Variants in ZC3H3 observed in about 807,000 individuals in gnomAD.
The protein encoded by ZC3H3 is zinc finger CCCH domain-containing protein 3.
Under a neutral mutation model 77.3 loss-of-function variants are expected in ZC3H3, and 36 were observed. The observed-to-expected ratio is 0.47, with a 90% confidence interval of 0.36 to 0.61. ZC3H3 has a LOEUF of 0.61. ZC3H3 is among the 20% of genes least tolerant of loss of function. ZC3H3 has a pLI of 0.00. For synonymous variants in ZC3H3, 626 were observed against 555.2 expected (o/e 1.13, Z -1.79); for missense variants, 1,331 against 1,312.2 (o/e 1.01, Z -0.22).
chr8:143,446,144 G>C (rs1209658368), intron 9 of ZC3H3, among the ~76,000 whole-genome samples: 2 of 152,106 alleles, frequency 1.3e-5, no homozygotes, highest in Non-Finnish European at 2.9e-5. Context: ...AATGAAACTG[G>C]ACCTCACCGC....
intron 4 of ZC3H3, among the ~76,000 whole-genome samples, chr8:143,497,925 C>A (rs1478289246): frequency 6.6e-6 from 1 of 152,200 alleles, no homozygotes; most frequent in Non-Finnish European, 1.5e-5. Flanking sequence ...CCAAGAGAGT[C>A]CCCTCTCTGC....
chr8:143,463,245 A>C (rs888650138), intron 9 of ZC3H3, among the ~76,000 whole-genome samples: 1 of 151,944 alleles, frequency 6.6e-6, no homozygotes, highest in East Asian at 1.9e-4. Flanking sequence ...TCGGCCTCCC[A>C]AAGTGTTGGG....
At chr8:143,468,105 G>A (rs1820462084) in intron 8 of ZC3H3, 104 bp downstream of exon 8, 2 of 1,394,170 alleles carry the variant, frequency 1.4e-6, no homozygotes, top group Non-Finnish European at 9.9e-7. Flanking sequence ...GGATCTGCAT[G>A]TCCCAAACCC....
At chr8:143,540,426 C>A (rs890571691) in intron 1 of ZC3H3, among the ~76,000 whole-genome samples, 1 of 152,248 alleles carries the variant, frequency 6.6e-6, no homozygotes, top group Admixed American at 6.5e-5. Context: ...GACGGGCTCT[C>A]GTCATGTTGC....
chr8:143,476,744 C>T (rs181518129), intron 4 of ZC3H3, among the ~76,000 whole-genome samples: 2 of 152,374 alleles, frequency 1.3e-5, no homozygotes, highest in East Asian at 1.9e-4. Flanking sequence ...GAGGCGAGGA[C>T]GGGCAGCTCA....
chr8:143,458,283 G>T (rs1182161606), intron 9 of ZC3H3, among the ~76,000 whole-genome samples: 1 of 106,312 alleles, frequency 9.4e-6, no homozygotes, highest in African/African-American at 3.6e-5. Flanking sequence ...TGACTGAAGA[G>T]TAGAAAATCT....
At chr8:143,478,390 T>C (rs1820804353) in intron 4 of ZC3H3, among the ~76,000 whole-genome samples, 1 of 152,184 alleles carries the variant, frequency 6.6e-6, no homozygotes, top group African/African-American at 2.4e-5. Flanking sequence ...TCAGGGCCTC[T>C]GGGGGTCAGC....
intron 3 of ZC3H3, among the ~76,000 whole-genome samples, chr8:143,525,562 G>A (rs73373278): frequency 2.0e-5 from 3 of 152,322 alleles, no homozygotes; most frequent in Non-Finnish European, 2.9e-5. Flanking sequence ...CCCATCCTGA[G>A]GGGGCTCCTT....
At chr8:143,444,827 C>T (rs192002799) in intron 9 of ZC3H3, among the ~76,000 whole-genome samples, 1 of 152,156 alleles carries the variant, frequency 6.6e-6, no homozygotes, top group East Asian at 1.9e-4. Context: ...GGGGTCCTAT[C>T]CAAGGCAGGA....
chr8:143,481,141 G>C (rs78944125), intron 4 of ZC3H3, among the ~76,000 whole-genome samples: 1 of 152,140 alleles, frequency 6.6e-6, no homozygotes, highest in Non-Finnish European at 1.5e-5. Context: ...CCAGGGGTTC[G>C]AGGCCTAGGC....
chr8:143,505,482 G>T (rs1020086915), intron 4 of ZC3H3, among the ~76,000 whole-genome samples: 1 of 152,162 alleles, frequency 6.6e-6, no homozygotes, highest in Non-Finnish European at 1.5e-5. Flanking sequence ...GGTGACCCTG[G>T]GCGAGGCAGG....
chr8:143,500,987 T>TC (rs1259064122), intron 4 of ZC3H3, among the ~76,000 whole-genome samples: 5 of 151,360 alleles, frequency 3.3e-5, no homozygotes, highest in Non-Finnish European at 7.4e-5. Context: ...CTTTTTTTTT[T>TC]TTTTTTTTAA....
At chr8:143,508,389 C>A (rs1821773100) in intron 3 of ZC3H3, among the ~76,000 whole-genome samples, 1 of 152,230 alleles carries the variant, frequency 6.6e-6, no homozygotes, top group South Asian at 2.1e-4. Context: ...GGAGCACTCA[C>A]CTCCTCAAGC....
At chr8:143,483,141 G>A (rs1000822962) in intron 4 of ZC3H3, among the ~76,000 whole-genome samples, 3 of 152,264 alleles carry the variant, frequency 2.0e-5, no homozygotes, top group Non-Finnish European at 2.9e-5. Flanking sequence ...GAAGAGGAGC[G>A]GCCGGGGGGA....
chr8:143,530,676 G>A lies in ZC3H3; in HGVS notation c.1561+5581C>T, dbSNP rs1163968431. ...GACGGGCCCCAGGAGGATGTACCACGAAGCTGGCCCCACTTCCCCCGCACC... is the reference window on the plus strand; with the variant it reads ...GACGGGCCCCAGGAGGATGTACCACAAAGCTGGCCCCACTTCCCCCGCACC... On this transcript the variant is annotated intron_variant, in intron 3 of 11. Coordinates refer to ENST00000262577, the MANE Select transcript of ZC3H3 (RefSeq NM_015117.3). The surrounding 1 kb of genome is among the most constrained non-coding windows in gnomAD (Gnocchi z 4.3). Among the ~76,000 whole-genome samples, 3 of 152,124 alleles carry A rather than the reference G, an allele frequency of 2.0e-5. No homozygotes were observed. Among genetic ancestry groups the A allele is most frequent in the Non-Finnish European group, 2.9e-5 (2 of 68,004 alleles).
At position 143,507,718 on chromosome 8, in the gene ZC3H3, T is replaced by C. The variant is rs1036462121; in HGVS notation, c.1715+28A>G. 3.3e-6 allele frequency: 5 copies of C among 1,529,760 alleles called. No individual in the cohort carries two copies. The Admixed American group carries it at 9.2e-5, about 28-fold the overall frequency. The allele number at this position is 1,529,760 out of a possible 1,614,324, so 94.8% of individuals were successfully genotyped here. A position where few individuals can be genotyped will look rare whatever the true frequency, so the allele number is the denominator to read the frequency against. On this transcript the variant is annotated intron_variant, in intron 4 of 11. Transcript: ENST00000262577. ...GGCCAGACAGCCCAGTTCCCAGGCC[T>C]GCAGGAGCCTGCAGGAAGCCTTCCT...
chr8:143,510,453 G>A (rs1374429265), intron 3 of ZC3H3, among the ~76,000 whole-genome samples: 1 of 152,256 alleles, frequency 6.6e-6, no homozygotes, highest in African/African-American at 2.4e-5. Context: ...GGATGAGCAG[G>A]GCACAGCCGG....
At chr8:143,518,861 G>A (rs1822148119) in intron 3 of ZC3H3, among the ~76,000 whole-genome samples, 1 of 152,254 alleles carries the variant, frequency 6.6e-6, no homozygotes, top group South Asian at 2.1e-4. Flanking sequence ...ACAGGGGCAA[G>A]GGACAGAGGC....
intron 5 of ZC3H3, among the ~76,000 whole-genome samples, chr8:143,471,664 C>T (rs866465753): frequency 1.3e-5 from 2 of 151,698 alleles, no homozygotes; most frequent in South Asian, 2.1e-4. Flanking sequence ...AGGGAGGGCT[C>T]GGCTTCAGGG....
Sources: gnomAD v4.1 joint callset for allele counts (sites outside exome capture counted in the v4.1 genomes callset) on GRCh38, gnomAD v4.1.1 for gene constraint, Gnocchi (gnomAD v3.1) non-coding constraint, MANE v1.5 for transcripts, NCBI Gene and HGNC (gene_info 2026-07-23, HGNC 2026-07-21) for gene names.